The following CACNA2D3 variants were observed in gnomAD, a reference collection of about 807,000 sequenced individuals.
The protein encoded by CACNA2D3 is calcium voltage-gated channel auxiliary subunit alpha2delta 3, also known as voltage-dependent calcium channel subunit alpha-2/delta-3.
CACNA2D3 carries 60 observed loss-of-function variants against 160.6 expected under a neutral mutation model. The observed-to-expected ratio is 0.37, with a 90% confidence interval of 0.30 to 0.46. CACNA2D3 has a LOEUF of 0.46. Among genes scored for constraint, CACNA2D3 ranks in the 20% least tolerant of loss-of-function variants. CACNA2D3 has a pLI of 1.00. For synonymous variants in CACNA2D3, 558 were observed against 492.9 expected, an observed-to-expected ratio of 1.13 and a Z score of -1.75; for missense variants, 1,205 against 1,365.0, an observed-to-expected ratio of 0.88 and a Z score of 1.85.
intron 14 of CACNA2D3, among the ~76,000 whole-genome samples, chr3:54,828,312 T>C (rs1703788341): frequency 6.6e-6 from 1 of 152,212 alleles, no homozygotes; most frequent in African/African-American, 2.4e-5. Flanking sequence ...TGCCTCATGA[T>C]AATTTTCATT....
At chr3:54,468,335 G>A (rs1456158134) in intron 4 of CACNA2D3, among the ~76,000 whole-genome samples, 12 of 152,318 alleles carry the variant, frequency 7.9e-5, no homozygotes, top group Non-Finnish European at 1.5e-5. Flanking sequence ...AGGGGTTGGG[G>A]AGCTCCCTCC....
At chr3:54,290,116 C>T (rs1353896751) in intron 2 of CACNA2D3, among the ~76,000 whole-genome samples, 1 of 151,916 alleles carries the variant, frequency 6.6e-6, no homozygotes, top group Non-Finnish European at 1.5e-5. Flanking sequence ...TCAGAGTGAA[C>T]AGGCAACCTA....
At chr3:54,418,272 G>A (rs1294292006) in intron 4 of CACNA2D3, among the ~76,000 whole-genome samples, 3 of 152,188 alleles carry the variant, frequency 2.0e-5, no homozygotes, top group Non-Finnish European at 4.4e-5. Context: ...GCATATGAAT[G>A]TATTCATAAT....
intron 3 of CACNA2D3, among the ~76,000 whole-genome samples, chr3:54,331,527 C>T (rs1347694588): frequency 6.6e-6 from 1 of 152,184 alleles, no homozygotes; most frequent in Non-Finnish European, 1.5e-5. Flanking sequence ...TCTCTGTTGT[C>T]ATCATGATCA....
chr3:55,009,520 G>C, intron 34 of CACNA2D3, 77 bp downstream of exon 34: 1 of 1,334,972 alleles, frequency 7.5e-7, no homozygotes, highest in Non-Finnish European at 1.1e-6. Context: ...CATCAGGGAT[G>C]TGCTGGCTCA....
At chr3:54,534,758 A>C (rs1033446060) in intron 5 of CACNA2D3, among the ~76,000 whole-genome samples, 1 of 89,404 alleles carries the variant, frequency 1.1e-5, no homozygotes, top group Non-Finnish European at 2.6e-5. Context: ...CGTTGTCTCT[A>C]CAAAAAAAAA....
intron 31 of CACNA2D3, among the ~76,000 whole-genome samples, chr3:54,993,376 C>T (rs1266523681): frequency 2.0e-5 from 3 of 152,138 alleles, no homozygotes; most frequent in Non-Finnish European, 4.4e-5. Context: ...TCCTCTCCTC[C>T]CTTCCCCTTG....
intron 3 of CACNA2D3, among the ~76,000 whole-genome samples, chr3:54,335,561 A>G (rs1056029111): frequency 2.0e-5 from 3 of 152,140 alleles, no homozygotes; most frequent in Non-Finnish European, 2.9e-5. Flanking sequence ...GGTTTTGGCC[A>G]GCTTCTTTAC....
intron 4 of CACNA2D3, among the ~76,000 whole-genome samples, chr3:54,464,323 A>G (rs1031062840): frequency 6.6e-6 from 1 of 152,140 alleles, no homozygotes; most frequent in African/African-American, 2.4e-5. Flanking sequence ...AGGGACATTT[A>G]AGTCTGCAGA....
intron 11 of CACNA2D3, among the ~76,000 whole-genome samples, chr3:54,659,098 C>G (rs932404017): frequency 6.6e-6 from 1 of 152,126 alleles, no homozygotes; most frequent in Non-Finnish European, 1.5e-5. Context: ...TCCCCTGTCC[C>G]CTGATCTCCA....
intron 11 of CACNA2D3, among the ~76,000 whole-genome samples, chr3:54,698,760 C>T (rs185158654): frequency 6.6e-6 from 1 of 152,282 alleles, no homozygotes; most frequent in East Asian, 1.9e-4. Context: ...GAAATAAACA[C>T]ATTTGCCTAA....
At chr3:54,752,837 GT>G (rs34310780) in intron 12 of CACNA2D3, among the ~76,000 whole-genome samples, 160 bp downstream of exon 12, 28,507 of 144,154 alleles carry the variant, frequency 0.2, 2,928 homozygotes, top group African/African-American at 0.24. Context: ...TCCAAATTAT[GT>G]TTTTTTTTTT....
intron 22 of CACNA2D3, 54 bp downstream of exon 22, chr3:54,885,380 A>T: frequency 6.2e-7 from 1 of 1,608,858 alleles, no homozygotes. Flanking sequence ...GCCCTCTTTG[A>T]TTCCACATGG....
intron 2 of CACNA2D3, among the ~76,000 whole-genome samples, chr3:54,307,785 G>A (rs1002430673): frequency 3.9e-5 from 6 of 152,148 alleles, no homozygotes; most frequent in Non-Finnish European, 5.9e-5. Context: ...GATGGCCTTC[G>A]ATTTCCAGGA....
intron 11 of CACNA2D3, among the ~76,000 whole-genome samples, chr3:54,668,142 A>C (rs1700101223): frequency 6.6e-6 from 1 of 150,558 alleles, no homozygotes; most frequent in African/African-American, 2.5e-5. Flanking sequence ...AGACTAAAAT[A>C]AAAAAGCAAA....
At chr3:54,588,679 G>A (rs1224017726) in intron 9 of CACNA2D3, among the ~76,000 whole-genome samples, 2 of 151,924 alleles carry the variant, frequency 1.3e-5, no homozygotes, top group Admixed American at 1.3e-4. Context: ...TATGGTAACT[G>A]AAATTTAAAA....
intron 33 of CACNA2D3, 81 bp downstream of exon 33, chr3:55,007,923 G>C (rs760951992): frequency 6.7e-5 from 60 of 901,850 alleles, no homozygotes; most frequent in Non-Finnish European, 9.1e-5. Flanking sequence ...GAGATTGTGA[G>C]TCATGCCTTC....
intron 2 of CACNA2D3, among the ~76,000 whole-genome samples, chr3:54,292,596 A>G (rs897351975): frequency 1.3e-5 from 2 of 152,310 alleles, no homozygotes; most frequent in African/African-American, 4.8e-5. Flanking sequence ...AATTTGCCTC[A>G]GTGAGATATA....
At chr3:54,672,170 T>G (rs1470291073) in intron 11 of CACNA2D3, among the ~76,000 whole-genome samples, 1 of 152,236 alleles carries the variant, frequency 6.6e-6, no homozygotes, top group Admixed American at 6.5e-5. Context: ...TTTTTAAGGT[T>G]TCCATTTGCA....
Sources: gnomAD v4.1 joint callset for allele counts (sites outside exome capture counted in the v4.1 genomes callset) on GRCh38, gnomAD v4.1.1 for gene constraint, MANE v1.5 for transcripts, NCBI Gene and HGNC (gene_info 2026-07-23, HGNC 2026-07-21) for gene names.